Variants in TNFAIP8 observed in about 807,000 individuals in gnomAD.
TNFAIP8 encodes the protein tumor necrosis factor alpha-induced protein 8.
A neutral mutation model predicts 13.3 loss-of-function variants in TNFAIP8; 7 were observed. The ratio of observed to expected loss-of-function variants is 0.52; its 90% CI spans 0.30 to 0.99. TNFAIP8 has a LOEUF of 0.99. Ranked by LOEUF, TNFAIP8 falls within the 50% of genes least tolerant of loss-of-function variation. TNFAIP8 has a pLI of 0.07. For synonymous variants in TNFAIP8, 94 were observed against 87.6 expected (o/e 1.07, Z -0.41); for missense variants, 258 against 236.9 (o/e 1.09, Z -0.58).
intron 1 of TNFAIP8, among the ~76,000 whole-genome samples, chr5:119,300,017 C>G (rs966192895): frequency 6.6e-6 from 1 of 152,246 alleles, no homozygotes; most frequent in African/African-American, 2.4e-5. Context: ...TCTGTCACCC[C>G]TTTCTTTGCC....
At chr5:119,351,100 G>A (rs1157530373), upstream of TNFAIP8, among the ~76,000 whole-genome samples, 1 of 151,608 alleles carries the variant, frequency 6.6e-6, no homozygotes, top group African/African-American at 2.4e-5. Context: ...ATAGCTCACT[G>A]TAGCCTTGAA....
In TNFAIP8 at chr5:119,391,615, C is replaced by T. The variant is rs780927360; in HGVS notation, c.32-1201C>T. On this transcript the variant is annotated intron_variant, in intron 1 of 1. Transcript: ENST00000504771. ...TCTCTACTGAAAATACACAATTAGC[C>T]GGGCATGGTGGAGGGTGCCTATAAT... 4.3e-4 allele frequency: 204 copies of T among 478,278 alleles called. 1 individual carries two copies. The Middle Eastern group carries it at 6.4e-3, about 15-fold the overall frequency. The allele number at this position is 478,278 out of a possible 1,614,324, so 29.6% of individuals were successfully genotyped here.
intron 1 of TNFAIP8, among the ~76,000 whole-genome samples, chr5:119,321,845 A>T (rs1055054376): frequency 5.3e-5 from 8 of 151,986 alleles, no homozygotes; most frequent in African/African-American, 1.7e-4. Context: ...TTCCATTCCA[A>T]CGGACAAACT....
intron 1 of TNFAIP8, among the ~76,000 whole-genome samples, chr5:119,293,621 G>A (rs1239639398): frequency 6.6e-6 from 1 of 152,056 alleles, no homozygotes; most frequent in East Asian, 1.9e-4. Context: ...ATTGGATTGT[G>A]GTAATGGTTA....
chr5:119,320,463 C>T (rs1205429419), intron 1 of TNFAIP8, among the ~76,000 whole-genome samples: 1 of 152,128 alleles, frequency 6.6e-6, no homozygotes, highest in Non-Finnish European at 1.5e-5. Flanking sequence ...CTCTCCTGCC[C>T]ATTCTGGCAG....
chr5:119,391,334 C>T (rs1208831885), intron 1 of TNFAIP8: 3 of 700,344 alleles, frequency 4.3e-6, no homozygotes, highest in Admixed American at 2.0e-5. Flanking sequence ...TTTTATCTTT[C>T]ATTACCAAAT....
At chr5:119,300,829 A>T (rs569244054) in intron 1 of TNFAIP8, among the ~76,000 whole-genome samples, 2 of 152,094 alleles carry the variant, frequency 1.3e-5, no homozygotes, top group African/African-American at 2.4e-5. Flanking sequence ...AGTTTAACCT[A>T]TGTGTTATGC....
At chr5:119,306,534 C>T (rs943331387) in intron 1 of TNFAIP8, 6 of 152,138 alleles carry the variant, frequency 3.9e-5, no homozygotes, top group Non-Finnish European at 8.8e-5. Context: ...GTGTGGACGC[C>T]TGATCGTCAT....
At chr5:119,377,295 TAGG>T (rs1464119203) in intron 1 of TNFAIP8, among the ~76,000 whole-genome samples, 1 of 151,652 alleles carries the variant, frequency 6.6e-6, no homozygotes, top group Non-Finnish European at 1.5e-5. Flanking sequence ...CCCAGCTACT[TAGG>T]AGGCTGAGGT....
At chr5:119,274,084 G>A (rs1207121432) in intron 1 of TNFAIP8, among the ~76,000 whole-genome samples, 1 of 152,060 alleles carries the variant, frequency 6.6e-6, no homozygotes, top group Non-Finnish European at 1.5e-5. Flanking sequence ...CAAAAATAGG[G>A]GAGACAGAGA....
chr5:119,342,826 C>A (rs1750786010), intron 1 of TNFAIP8, among the ~76,000 whole-genome samples: 1 of 152,102 alleles, frequency 6.6e-6, no homozygotes, highest in African/African-American at 2.4e-5. Flanking sequence ...TTACTTTTTT[C>A]AGTCTCTGAA....
chr5:119,393,139 G>A lies in TNFAIP8; in HGVS notation c.355G>A (p.Val119Met), dbSNP rs761096935. ...LAMTVVSFHQVDYTFDRNVLS... is the reference protein window; with the variant it reads ...LAMTVVSFHQMDYTFDRNVLS... ...TATGACCGTGGTCAGTTTCCATCAG[G>A]TGGATTATACCTTTGACCGGAATGT... Residue 119 changes from valine (V) to methionine (M), a missense_variant, in exon 2 of 2, where the codon GTG becomes ATG. Val to Met is a conservative substitution (Grantham distance 21). Coordinates refer to ENST00000504771, the MANE Select transcript of TNFAIP8 (RefSeq NM_014350.4). 6.2e-7 allele frequency: 1 copy of A among 1,613,996 alleles called. No homozygotes were observed. The highest frequency in any genetic ancestry group is 1.7e-5 in the Admixed American group (1 of 60,022).
At chr5:119,336,946 C>A (rs1337420779) in intron 1 of TNFAIP8, among the ~76,000 whole-genome samples, 3 of 152,048 alleles carry the variant, frequency 2.0e-5, no homozygotes, top group Non-Finnish European at 4.4e-5. Flanking sequence ...GCCTTTTTTT[C>A]CCCTTCTATC....
chr5:119,275,002 AT>A (rs1241187299), intron 1 of TNFAIP8, among the ~76,000 whole-genome samples: 31 of 135,634 alleles, frequency 2.3e-4, no homozygotes, highest in Non-Finnish European at 3.7e-4. Flanking sequence ...AGCTGTAGGG[AT>A]TTTTTTTTAA....
chr5:119,353,220 G>A (rs541671935), upstream of TNFAIP8, among the ~76,000 whole-genome samples: 13 of 152,334 alleles, frequency 8.5e-5, no homozygotes, highest in South Asian at 2.7e-3. Flanking sequence ...ACCTACAGGA[G>A]ATAACAAATC....
At chr5:119,307,916 C>G (rs554653730) in intron 1 of TNFAIP8, among the ~76,000 whole-genome samples, 1 of 152,330 alleles carries the variant, frequency 6.6e-6, no homozygotes, top group African/African-American at 2.4e-5. Context: ...GTAGCTAGTA[C>G]TGTCCTTTGG....
intron 1 of TNFAIP8, among the ~76,000 whole-genome samples, chr5:119,340,122 G>A (rs1750688874): frequency 6.6e-6 from 1 of 152,224 alleles, no homozygotes; most frequent in Non-Finnish European, 1.5e-5. Context: ...AAGTCAGTTG[G>A]AGCAGAAGAG....
chr5:119,306,324 CTTTTTTTT>C (rs753326772), intron 1 of TNFAIP8: 1 of 104,482 alleles, frequency 9.6e-6, no homozygotes, highest in African/African-American at 5.6e-5. Context: ...CTTTCTTTTT[CTTTTTTTT>C]TTTTTTTTCC....
Position 119,393,371 on chromosome 5 carries a change from A to G in TNFAIP8, c.587A>G (p.Glu196Gly), listed in dbSNP as rs777646697. The change falls in exon 2 of 2, where the codon GAG becomes GGG. Residue 196 changes from glutamate (E) to glycine (G), a missense_variant. By Grantham distance (98) the Glu-to-Gly change is moderately conservative (BLOSUM62 -2). Coordinates refer to ENST00000504771, the MANE Select transcript of TNFAIP8 (RefSeq NM_014350.4). ...GGTATCAACAAAATGTTGGATGAAGAGAACATATGAGCACATGAGTTAAGA... is the reference window on the plus strand; with the variant it reads ...GGTATCAACAAAATGTTGGATGAAGGGAACATATGAGCACATGAGTTAAGA... ...CDGINKMLDE[E>G]NI is the part of the protein sequence containing the mutation. 2 of 1,612,352 alleles carry G rather than the reference A, an allele frequency of 1.2e-6. No homozygotes were observed. Among genetic ancestry groups the G allele is most frequent in the Non-Finnish European group, 1.7e-6 (2 of 1,178,826 alleles).
Sources: allele counts gnomAD v4.1 joint callset (sites outside exome capture counted in the v4.1 genomes callset), GRCh38; gene constraint gnomAD v4.1.1; transcripts MANE v1.5; gene names NCBI Gene and HGNC (gene_info 2026-07-23, HGNC 2026-07-21).